FHIT: variants seen among roughly 807,000 people sequenced by gnomAD.
FHIT encodes bis(5'-adenosyl)-triphosphatase.
A neutral mutation model predicts 17.9 loss-of-function variants in FHIT; 19 were observed. The ratio of observed to expected loss-of-function variants is 1.06; its 90% CI spans 0.74 to 1.56. The LOEUF is 1.56. Ranked by LOEUF, FHIT falls within the 40% of genes most tolerant of loss-of-function variation. The pLI, the probability that FHIT is intolerant of heterozygous loss-of-function variation, is 0.00. For synonymous variants in FHIT, 81 were observed against 69.7 expected (o/e 1.16, Z -0.81); for missense variants, 248 against 189.2 (o/e 1.31, Z -1.82).
chr3:60,280,474 T>G (rs1388849014), intron 5 of FHIT, among the ~76,000 whole-genome samples: 1 of 152,166 alleles, frequency 6.6e-6, no homozygotes, highest in Admixed American at 6.5e-5. Flanking sequence ...CTTAATGCTA[T>G]CAATCATAAA....
At chr3:60,027,138 C>CAA (rs1320133940) in intron 5 of FHIT, among the ~76,000 whole-genome samples, 2,080 of 119,748 alleles carry the variant, frequency 0.017, 103 homozygotes, top group East Asian at 0.082. Context: ...CACACACACA[C>CAA]ACACACACAC....
intron 1 of FHIT, among the ~76,000 whole-genome samples, chr3:61,208,263 G>C (rs951073562): frequency 2.6e-5 from 4 of 151,990 alleles, no homozygotes; most frequent in Non-Finnish European, 4.4e-5. Flanking sequence ...AATAGGTGTG[G>C]TGTGGTGCTG....
At chr3:60,223,967 G>C (rs1451848868) in intron 5 of FHIT, among the ~76,000 whole-genome samples, 1 of 152,014 alleles carries the variant, frequency 6.6e-6, no homozygotes, top group Admixed American at 6.6e-5. Flanking sequence ...TTGATCCTCA[G>C]GTTAAAGCAA....
At chr3:61,093,244 GGAGAGAGA>G (rs57916294) in intron 2 of FHIT, among the ~76,000 whole-genome samples, 1 of 150,828 alleles carries the variant, frequency 6.6e-6, no homozygotes, top group Non-Finnish European at 1.5e-5. Flanking sequence ...TTCTATGTAT[GGAGAGAGA>G]GAGAGAGAGA....
chr3:59,878,559 C>G (rs1703264244), intron 8 of FHIT, among the ~76,000 whole-genome samples: 1 of 152,188 alleles, frequency 6.6e-6, no homozygotes, highest in Non-Finnish European at 1.5e-5. Context: ...GATTCTTTCT[C>G]AAATACACTC....
chr3:60,515,216 A>C (rs1477359331), intron 5 of FHIT, among the ~76,000 whole-genome samples: 2 of 152,144 alleles, frequency 1.3e-5, no homozygotes, highest in Admixed American at 6.5e-5. Context: ...AAGAAAACCA[A>C]CTGTAGGCCT....
chr3:60,765,121 G>A (rs550168911), intron 4 of FHIT, among the ~76,000 whole-genome samples: 78 of 152,240 alleles, frequency 5.1e-4, no homozygotes, highest in African/African-American at 1.6e-3. Flanking sequence ...GGCAGTTACC[G>A]GGAGATTGAA....
chr3:60,992,896 A>G (rs2030366055), intron 3 of FHIT, among the ~76,000 whole-genome samples: 1 of 152,228 alleles, frequency 6.6e-6, no homozygotes, highest in Non-Finnish European at 1.5e-5. Flanking sequence ...TGGCATTTCA[A>G]TAAAGGAAAT....
intron 5 of FHIT, among the ~76,000 whole-genome samples, chr3:60,161,232 T>C (rs1485137858): frequency 2.0e-5 from 3 of 152,258 alleles, no homozygotes; most frequent in African/African-American, 4.8e-5. Flanking sequence ...CCAACTGCGT[T>C]GTCCCTATGG....
chr3:60,888,942 A>G (rs900952748), intron 3 of FHIT, among the ~76,000 whole-genome samples: 5 of 152,176 alleles, frequency 3.3e-5, no homozygotes, highest in Admixed American at 6.5e-5. Flanking sequence ...TAAGTTCTAA[A>G]TTTCTCATCA....
intron 2 of FHIT, among the ~76,000 whole-genome samples, chr3:61,189,649 A>G (rs568592867): frequency 7.4e-4 from 112 of 152,102 alleles, no homozygotes; most frequent in African/African-American, 2.5e-3. Context: ...CAAAAGAACA[A>G]AGCTGGAGGC....
chr3:60,619,729 T>G (rs1300988638), intron 4 of FHIT, among the ~76,000 whole-genome samples: 1 of 151,770 alleles, frequency 6.6e-6, no homozygotes, highest in African/African-American at 2.4e-5. Flanking sequence ...GAAAATAATG[T>G]ACAAGAAAGT....
chr3:59,894,422 A>T (rs899957014), intron 8 of FHIT, among the ~76,000 whole-genome samples: 1 of 152,230 alleles, frequency 6.6e-6, no homozygotes, highest in African/African-American at 2.4e-5. Context: ...CATTAGCATC[A>T]TAACCAGGAG....
At chr3:60,004,222 A>G (rs1243998293) in intron 7 of FHIT, among the ~76,000 whole-genome samples, 1 of 152,168 alleles carries the variant, frequency 6.6e-6, no homozygotes, top group African/African-American at 2.4e-5. Context: ...TAGAAATTAC[A>G]GGCTCTGAGC....
chr3:60,463,444 ACT>A (rs1261918833), intron 5 of FHIT, among the ~76,000 whole-genome samples: 1 of 152,180 alleles, frequency 6.6e-6, no homozygotes, highest in Non-Finnish European at 1.5e-5. Context: ...TGTGGGCAGA[ACT>A]CTGTTTCAGT....
chr3:60,084,432 C>T (rs558087911), intron 5 of FHIT, among the ~76,000 whole-genome samples: 8 of 152,258 alleles, frequency 5.3e-5, no homozygotes, highest in Admixed American at 6.5e-5. Flanking sequence ...TAGGCATCCA[C>T]TTTGGGCCAG....
At chr3:60,569,447 CAT>C (rs761644047) in intron 4 of FHIT, among the ~76,000 whole-genome samples, 51 of 152,054 alleles carry the variant, frequency 3.4e-4, no homozygotes, top group Non-Finnish European at 7.1e-4. Context: ...CATAGTATGA[CAT>C]GTGAATAGAT....
intron 7 of FHIT, among the ~76,000 whole-genome samples, chr3:59,955,720 G>A (rs1281444784): frequency 1.3e-5 from 2 of 152,178 alleles, no homozygotes; most frequent in Non-Finnish European, 2.9e-5. Context: ...AAATCTAAGA[G>A]TCATTCACAG....
At chr3:61,158,226 T>C (rs536340085) in intron 2 of FHIT, among the ~76,000 whole-genome samples, 2 of 152,238 alleles carry the variant, frequency 1.3e-5, no homozygotes, top group East Asian at 1.9e-4. Flanking sequence ...TAAACAAGAC[T>C]TTTTATTAAA....
Sources: gnomAD v4.1 joint callset for allele counts (sites outside exome capture counted in the v4.1 genomes callset) on GRCh38, gnomAD v4.1.1 for gene constraint, MANE v1.5 for transcripts, NCBI Gene and HGNC (gene_info 2026-07-23, HGNC 2026-07-21) for gene names.